Variants in GPC6 observed in about 807,000 individuals in gnomAD.
GPC6 encodes the protein glypican 6.
Under a neutral mutation model 55.2 loss-of-function variants are expected in GPC6, and 14 were observed. The ratio of observed to expected loss-of-function variants is 0.25; its 90% CI spans 0.17 to 0.40. The LOEUF is 0.40. Ranked by LOEUF, GPC6 falls within the 10% of genes least tolerant of loss-of-function variation. The pLI is 1.00. For missense variants in GPC6, 641 were observed against 708.5 expected (o/e 0.90, Z 1.08); for synonymous variants, 278 against 259.6 (o/e 1.07, Z -0.68).
chr13:93,417,037 T>C (rs1395187377), intron 1 of GPC6, among the ~76,000 whole-genome samples: 1 of 152,156 alleles, frequency 6.6e-6, no homozygotes, highest in Non-Finnish European at 1.5e-5. Context: ...AGCAATAATG[T>C]GAAGCTTCCA....
rs547544820 is a variant in GPC6, at chr13:94,212,209, A to G, written c.878-74140A>G. On this transcript the variant is annotated intron_variant, in intron 4 of 8. Transcript: ENST00000377047. ...GCAAACAAACTTATTTTTTTTCAACATCTCAATCTTTATTTTGAACAAGTC... is the reference window on the plus strand; with the variant it reads ...GCAAACAAACTTATTTTTTTTCAACGTCTCAATCTTTATTTTGAACAAGTC... Among the ~76,000 whole-genome samples, 226 of 152,270 alleles carry G rather than the reference A, an allele frequency of 1.5e-3. 1 individual carries two copies. In the Middle Eastern group the frequency reaches 0.017, roughly 12 times the overall value.
chr13:93,706,682 G>A (rs892654903), intron 2 of GPC6, among the ~76,000 whole-genome samples: 1 of 151,812 alleles, frequency 6.6e-6, no homozygotes, highest in East Asian at 1.9e-4. Context: ...TAAATTTAAA[G>A]AACCCAGGAG....
intron 4 of GPC6, among the ~76,000 whole-genome samples, chr13:94,153,478 A>G (rs1244665707): frequency 6.6e-6 from 1 of 152,156 alleles, no homozygotes; most frequent in Non-Finnish European, 1.5e-5. Flanking sequence ...AAAATGACTT[A>G]TTTGATCCCC....
chr13:93,560,573 T>C (rs1875725918), intron 2 of GPC6, among the ~76,000 whole-genome samples: 1 of 151,824 alleles, frequency 6.6e-6, no homozygotes, highest in Non-Finnish European at 1.5e-5. Context: ...CTTAATACCT[T>C]GGCCGGGAGC....
At position 93,579,928 on chromosome 13, in the gene GPC6, T is replaced by A. The variant is rs186322423; in HGVS notation, c.319+34507T>A. Reference sequence around the variant, plus strand: ...TAAAAAGCTTTGCCCAAAAATACACTTTTCAAAAAGTGCCCATTTTCTTAG... The same window carrying A: ...TAAAAAGCTTTGCCCAAAAATACACATTTCAAAAAGTGCCCATTTTCTTAG... On this transcript the variant is annotated intron_variant, in intron 2 of 8. Coordinates refer to ENST00000377047, the MANE Select transcript of GPC6 (RefSeq NM_005708.5). 6.6e-5 allele frequency among the ~76,000 whole-genome samples: 10 copies of A among 152,278 alleles called. 1 individual carries two copies. Among genetic ancestry groups the A allele is most frequent in the Admixed American group, 5.2e-4 (8 of 15,292 alleles).
intron 1 of GPC6, among the ~76,000 whole-genome samples, chr13:93,266,439 A>T (rs1877327791): frequency 6.6e-6 from 1 of 152,208 alleles, no homozygotes; most frequent in Admixed American, 6.5e-5. Context: ...ATGATGCTGT[A>T]AAGTTAAGAA....
intron 2 of GPC6, among the ~76,000 whole-genome samples, chr13:93,635,706 TGTG>T (rs1879662701): frequency 2.0e-5 from 3 of 152,218 alleles, no homozygotes; most frequent in South Asian, 2.1e-4. Flanking sequence ...CCTGGCATGA[TGTG>T]GTGAGATTCA....
At chr13:93,969,988 A>G (rs1385207953) in intron 3 of GPC6, among the ~76,000 whole-genome samples, 1 of 152,190 alleles carries the variant, frequency 6.6e-6, no homozygotes, top group Non-Finnish European at 1.5e-5. Context: ...AGGTGAGGTT[A>G]AGGGACTTAC....
At chr13:94,145,569 A>G (rs1887533912) in intron 4 of GPC6, among the ~76,000 whole-genome samples, 1 of 151,902 alleles carries the variant, frequency 6.6e-6, no homozygotes, top group African/African-American at 2.4e-5. Flanking sequence ...AAGAAAAAAA[A>G]TGGTAGCATG....
chr13:94,071,158 A>G (rs370905286), intron 4 of GPC6, among the ~76,000 whole-genome samples: 32 of 152,334 alleles, frequency 2.1e-4, no homozygotes, highest in African/African-American at 7.2e-4. Context: ...TCCATTTTCC[A>G]GCATTTGATT....
chr13:93,804,388 A>C (rs1463229301), intron 2 of GPC6, among the ~76,000 whole-genome samples: 1 of 152,134 alleles, frequency 6.6e-6, no homozygotes, highest in African/African-American at 2.4e-5. Flanking sequence ...CATGACCTAA[A>C]ATTTATTTTA....
intron 4 of GPC6, among the ~76,000 whole-genome samples, chr13:94,228,704 C>T (rs770166700): frequency 5.9e-5 from 9 of 151,948 alleles, no homozygotes; most frequent in Non-Finnish European, 1.3e-4. Context: ...AGAATATTCT[C>T]CACTCCTGGA....
At chr13:93,752,650 A>G (rs761130550) in intron 2 of GPC6, among the ~76,000 whole-genome samples, 13 of 152,060 alleles carry the variant, frequency 8.5e-5, no homozygotes, top group Non-Finnish European at 1.5e-4. Context: ...TTGCATGTTG[A>G]AAGGGCATCT....
chr13:93,408,424 T>A (rs954278521), intron 1 of GPC6, among the ~76,000 whole-genome samples: 1 of 152,142 alleles, frequency 6.6e-6, no homozygotes, highest in Non-Finnish European at 1.5e-5. Flanking sequence ...CATAGACTTA[T>A]GCAGGAGCAA....
At chr13:93,573,815 C>T (rs1876528144) in intron 2 of GPC6, among the ~76,000 whole-genome samples, 9 of 152,276 alleles carry the variant, frequency 5.9e-5, no homozygotes, top group Admixed American at 6.5e-5. Flanking sequence ...AAGGACTTCA[C>T]GTTTTGCCTT....
At chr13:93,911,127 TCTTAATTAA>T (rs2140335784) in intron 3 of GPC6, among the ~76,000 whole-genome samples, 1 of 152,272 alleles carries the variant, frequency 6.6e-6, no homozygotes, top group South Asian at 2.1e-4. Context: ...AGATGGGAAA[TCTTAATTAA>T]ATTCTATACA....
At chr13:93,904,101 G>T (rs539062803) in intron 3 of GPC6, among the ~76,000 whole-genome samples, 30 of 152,134 alleles carry the variant, frequency 2.0e-4, no homozygotes, top group Non-Finnish European at 3.8e-4. Flanking sequence ...GAGGTTAAGT[G>T]CAGTGACCAC....
intron 1 of GPC6, among the ~76,000 whole-genome samples, chr13:93,398,006 T>C (rs1875925640): frequency 6.6e-6 from 1 of 152,184 alleles, no homozygotes; most frequent in Admixed American, 6.5e-5. Flanking sequence ...ATTCTTCCAA[T>C]AGTAAATTTG....
At chr13:94,387,653 A>C (rs913597794) in intron 7 of GPC6, among the ~76,000 whole-genome samples, 1 of 151,556 alleles carries the variant, frequency 6.6e-6, no homozygotes, top group Non-Finnish European at 1.5e-5. Context: ...GGAGGTGGGG[A>C]CTTTGGGAGA....
Sources: gnomAD v4.1 joint callset for allele counts (sites outside exome capture counted in the v4.1 genomes callset) on GRCh38, gnomAD v4.1.1 for gene constraint, MANE v1.5 for transcripts, NCBI Gene and HGNC (gene_info 2026-07-23, HGNC 2026-07-21) for gene names.